SMC6: variants seen among roughly 807,000 people sequenced by gnomAD.
SMC6 encodes the protein structural maintenance of chromosomes protein 6.
SMC6 carries 79 observed loss-of-function variants against 142.2 expected under a neutral mutation model. The observed-to-expected ratio is 0.56, with a 90% CI of 0.46 to 0.67. SMC6 has a LOEUF of 0.67. SMC6 is among the 30% of genes least tolerant of loss of function. SMC6 has a pLI of 0.00. For missense variants in SMC6, 1,072 were observed against 1,284.0 expected, an observed-to-expected ratio of 0.83 and a Z score of 2.52; for synonymous variants, 411 against 412.4, an observed-to-expected ratio of 1.00 and a Z score of 0.04.
intron 4 of SMC6, among the ~76,000 whole-genome samples, chr2:17,740,034 T>C (rs1670365307): frequency 6.6e-6 from 1 of 152,118 alleles, no homozygotes; most frequent in African/African-American, 2.4e-5. Flanking sequence ...ACACCACTGA[T>C]TAACCCAATT....
chr2:17,683,407 C>T (rs1667317845), intron 24 of SMC6, among the ~76,000 whole-genome samples: 1 of 152,002 alleles, frequency 6.6e-6, no homozygotes, highest in African/African-American at 2.4e-5. Context: ...CCTATTTAAG[C>T]ATAAAAGACC....
chr2:17,732,814 G>A lies in SMC6; in HGVS notation c.345-937C>T, dbSNP rs1381608782. ...GCTAAACACACATATAAAATGATGA[G>A]TATAAATCTGCCTAACCAATAGGCT... On this transcript the variant is annotated intron_variant, in intron 5 of 27. Transcript: ENST00000448223. 2.0e-5 allele frequency among the ~76,000 whole-genome samples: 3 copies of A among 152,004 alleles called. No homozygotes were observed. In the East Asian group the frequency reaches 5.8e-4, roughly 29 times the overall value.
intron 25 of SMC6, among the ~76,000 whole-genome samples, chr2:17,672,161 C>G (rs1435365153): frequency 6.6e-6 from 1 of 152,078 alleles, no homozygotes; most frequent in Admixed American, 6.5e-5. Flanking sequence ...GCAATCTTGC[C>G]CCCACACTGT....
intron 21 of SMC6, among the ~76,000 whole-genome samples, chr2:17,698,268 A>C (rs1315149846): frequency 1.3e-5 from 2 of 152,034 alleles, no homozygotes; most frequent in African/African-American, 4.8e-5. Context: ...TTAAATGGAT[A>C]AATTTTACTG....
intron 23 of SMC6, among the ~76,000 whole-genome samples, chr2:17,691,991 C>G (rs1341245335): frequency 1.3e-5 from 2 of 152,294 alleles, no homozygotes; most frequent in East Asian, 3.9e-4. Context: ...AGGAATCCAA[C>G]TTACAAGGGA....
At chr2:17,687,378 C>T (rs1667505784) in intron 23 of SMC6, among the ~76,000 whole-genome samples, 1 of 152,104 alleles carries the variant, frequency 6.6e-6, no homozygotes, top group Non-Finnish European at 1.5e-5. Context: ...AACTATGGTA[C>T]AGATCAATGT....
chr2:17,738,669 C>T (rs1670277412), intron 4 of SMC6, among the ~76,000 whole-genome samples: 1 of 152,180 alleles, frequency 6.6e-6, no homozygotes, highest in Non-Finnish European at 1.5e-5. Context: ...CCTCTATTTA[C>T]ACATATATTA....
intron 21 of SMC6, among the ~76,000 whole-genome samples, chr2:17,697,195 T>TA (rs1315361203): frequency 6.6e-6 from 1 of 151,712 alleles, no homozygotes; most frequent in Non-Finnish European, 1.5e-5. Context: ...AACAATGTAC[T>TA]AAAGGTCAAC....
chr2:17,737,219 A>G lies in SMC6; in HGVS notation c.344+1002T>C, dbSNP rs558273063. Among the ~76,000 whole-genome samples the G allele has an allele frequency of 8.5e-5, 13 of 152,324 alleles. 1 individual carries two copies. The East Asian group carries it at 2.5e-3, about 29-fold the overall frequency. ...GATTCCTAAGGTTTCTGAGGAATAC[A>G]TAAGAAATTTGCAGGCCTGATTCAC... On this transcript the variant is annotated intron_variant, in intron 5 of 27. Transcript: ENST00000448223.
intron 3 of SMC6, among the ~76,000 whole-genome samples, chr2:17,744,860 G>A (rs1379382750): frequency 6.6e-6 from 1 of 152,128 alleles, no homozygotes; most frequent in Middle Eastern, 3.2e-3. Context: ...TCTTTAGCCT[G>A]TAACATGGTG....
At chr2:17,692,659 T>G (rs377602685) in intron 23 of SMC6, among the ~76,000 whole-genome samples, 1 of 151,494 alleles carries the variant, frequency 6.6e-6, no homozygotes. Context: ...GGACTTCATG[T>G]CTAAAACACC....
chr2:17,700,245 T>C lies in SMC6; in HGVS notation c.2357A>G (p.Lys786Arg), dbSNP rs1180090789. Reference sequence around the variant, plus strand: ...TGCTAGCTCCGATAGTTGATTAATTTTGAATTTAATTGCATCATACTTATT... The same window carrying C: ...TGCTAGCTCCGATAGTTGATTAATTCTGAATTTAATTGCATCATACTTATT... ...AENKYDAIKF[K>R]INQLSELADP... is the part of the protein sequence containing the mutation. Residue 786 changes from lysine to arginine, a missense_variant, in exon 21 of 28, where the codon AAA becomes AGA. Coordinates refer to ENST00000448223, the MANE Select transcript of SMC6 (RefSeq NM_001142286.2). 1.9e-6 allele frequency: 3 copies of C among 1,608,468 alleles called. 1 individual carries two copies. The South Asian group carries it at 3.3e-5, about 18-fold the overall frequency.
chr2:17,751,589 T>C (rs1671042289), intron 2 of SMC6, among the ~76,000 whole-genome samples: 1 of 152,086 alleles, frequency 6.6e-6, no homozygotes, highest in East Asian at 1.9e-4. Flanking sequence ...GGAGAAAGAT[T>C]TGTGGGTGGA....
At chr2:17,666,960 T>C (rs2103455797) in intron 26 of SMC6, among the ~76,000 whole-genome samples, 1 of 152,294 alleles carries the variant, frequency 6.6e-6, no homozygotes, top group South Asian at 2.1e-4. Flanking sequence ...CTAGCCTGAA[T>C]GACAGAGTGA....
At chr2:17,743,676 CAT>C (rs144209927) in intron 3 of SMC6, among the ~76,000 whole-genome samples, 3,239 of 152,230 alleles carry the variant, frequency 0.021, 135 homozygotes, top group African/African-American at 0.073. Flanking sequence ...TTTATAATGA[CAT>C]GTTTCCACCA....
intron 23 of SMC6, among the ~76,000 whole-genome samples, chr2:17,693,857 G>A (rs912132418): frequency 6.6e-5 from 10 of 151,510 alleles, no homozygotes; most frequent in African/African-American, 1.7e-4. Flanking sequence ...TTAGATGGGC[G>A]TCGTGGCATG....
intron 18 of SMC6, among the ~76,000 whole-genome samples, chr2:17,706,227 A>AT (rs1241154948): frequency 6.6e-6 from 1 of 151,968 alleles, no homozygotes; most frequent in Admixed American, 6.6e-5. Context: ...TTCACAGGTA[A>AT]TTTTTTTTAT....
chr2:17,689,999 C>T (rs1667631121), intron 23 of SMC6, among the ~76,000 whole-genome samples: 1 of 152,108 alleles, frequency 6.6e-6, no homozygotes, highest in African/African-American at 2.4e-5. Context: ...ATGTCTATGG[C>T]AATTGGATCT....
At chr2:17,678,801 A>G (rs539333331) in intron 25 of SMC6, 58 bp downstream of exon 25, 950 of 1,309,684 alleles carry the variant, frequency 7.3e-4, no homozygotes, top group Non-Finnish European at 9.5e-4. Flanking sequence ...AAAAATAGAA[A>G]AGAAAAGAAA....
Sources: allele counts gnomAD v4.1 joint callset (sites outside exome capture counted in the v4.1 genomes callset), GRCh38; gene constraint gnomAD v4.1.1; transcripts MANE v1.5; gene names NCBI Gene and HGNC (gene_info 2026-07-23, HGNC 2026-07-21).